Variants in RBFOX1 observed in about 807,000 individuals in gnomAD.
RBFOX1 encodes RNA binding fox-1 homolog 1.
RBFOX1 carries 8 observed loss-of-function variants against 57.7 expected under a neutral mutation model. The ratio of observed to expected loss-of-function variants is 0.14; its 90% CI spans 0.08 to 0.25. RBFOX1 has a LOEUF of 0.25. Ranked by LOEUF, RBFOX1 falls within the 10% of genes least tolerant of loss-of-function variation. RBFOX1 has a pLI of 1.00. For synonymous variants in RBFOX1, 326 were observed against 222.4 expected (o/e 1.47, Z -4.15); for missense variants, 611 against 548.5 (o/e 1.11, Z -1.14).
Position 6,257,252 on chromosome 16 carries a change from G to A in RBFOX1, c.-126-59743G>A, listed in dbSNP as rs79829101. Among the ~76,000 whole-genome samples, 412 of 151,980 alleles carry A rather than the reference G, an allele frequency of 2.7e-3. 2 individuals carry two copies. The highest frequency in any genetic ancestry group is 9.0e-3 in the African/African-American group (374 of 41,458). On this transcript the variant is annotated intron_variant, in intron 1 of 15. Coordinates refer to ENST00000550418, the MANE Select transcript of RBFOX1 (RefSeq NM_018723.4). Reference sequence around the variant, plus strand: ...CCTGCATGTGCTAGCTATTTATCCCGATGCTCTCCCTCCCCATGATGTATT... The same window carrying A: ...CCTGCATGTGCTAGCTATTTATCCCAATGCTCTCCCTCCCCATGATGTATT...
At chr16:7,121,016 G>T (rs1035573841) in intron 4 of RBFOX1, among the ~76,000 whole-genome samples, 2 of 151,806 alleles carry the variant, frequency 1.3e-5, no homozygotes, top group Non-Finnish European at 2.9e-5. Flanking sequence ...ACTAACACAT[G>T]ACCCTGTAAA....
rs534048340 is a variant in RBFOX1, at chr16:7,347,867, C to T, written c.28-170280C>T. Among the ~76,000 whole-genome samples the T allele has an allele frequency of 3.1e-3, 466 of 152,236 alleles. 1 individual carries two copies. Among genetic ancestry groups the T allele is most frequent in the African/African-American group, 0.01 (435 of 41,544 alleles). On this transcript the variant is annotated intron_variant, in intron 4 of 15. Coordinates refer to ENST00000550418, the MANE Select transcript of RBFOX1 (RefSeq NM_018723.4). ...GCTGGTTGTGAGCTGTTAGCCATTC[C>T]GAGACAGGCGTCTTGCAGGGTGTAT...
chr16:6,298,785 A>G (rs921020537), intron 1 of RBFOX1, among the ~76,000 whole-genome samples: 31 of 152,230 alleles, frequency 2.0e-4, no homozygotes, highest in African/African-American at 7.2e-4. Context: ...GTGAGTTTAC[A>G]TATTTGTTGG....
chr16:5,655,426 T>C (rs1263931704), intron 3 of RBFOX1, among the ~76,000 whole-genome samples: 1 of 152,198 alleles, frequency 6.6e-6, no homozygotes, highest in Non-Finnish European at 1.5e-5. Flanking sequence ...CAATTGAGGC[T>C]TTTCATGAGC....
intron 1 of RBFOX1, among the ~76,000 whole-genome samples, chr16:5,378,575 G>T (rs2066049919): frequency 6.6e-6 from 1 of 151,556 alleles, no homozygotes; most frequent in Non-Finnish European, 1.5e-5. Flanking sequence ...AGTTATACCT[G>T]GGAATGCAGG....
chr16:6,281,584 G>A (rs530859984), intron 1 of RBFOX1, among the ~76,000 whole-genome samples: 2 of 152,146 alleles, frequency 1.3e-5, no homozygotes, highest in African/African-American at 4.8e-5. Context: ...GGTGAGGTGT[G>A]GGGACCTTTG....
chr16:5,907,758 ATCATCATTT>A (rs949682093), intron 4 of RBFOX1, among the ~76,000 whole-genome samples: 4 of 149,972 alleles, frequency 2.7e-5, no homozygotes, highest in African/African-American at 1.0e-4. Flanking sequence ...CATCATCATC[ATCATCATTT>A]GAGATGGCAT....
chr16:6,008,656 G>A (rs540507463), intron 4 of RBFOX1, among the ~76,000 whole-genome samples: 1 of 152,234 alleles, frequency 6.6e-6, no homozygotes, highest in African/African-American at 2.4e-5. Context: ...CAGAGGGAAG[G>A]GTTAACTGTT....
intron 1 of RBFOX1, among the ~76,000 whole-genome samples, chr16:6,289,842 C>T (rs1480205904): frequency 1.3e-5 from 2 of 152,054 alleles, no homozygotes; most frequent in Non-Finnish European, 2.9e-5. Flanking sequence ...ATGAATAATA[C>T]AAAGAATCAT....
intron 3 of RBFOX1, among the ~76,000 whole-genome samples, chr16:5,862,846 A>G (rs1360791220): frequency 1.3e-5 from 2 of 152,188 alleles, no homozygotes; most frequent in Non-Finnish European, 2.9e-5. Flanking sequence ...GGCACACACC[A>G]CATACTGGTT....
intron 3 of RBFOX1, among the ~76,000 whole-genome samples, chr16:7,014,376 CT>C (rs149146067): frequency 0.024 from 3,627 of 151,170 alleles, 130 homozygotes; most frequent in African/African-American, 0.08. Context: ...CCACGCCTGG[CT>C]TTTTTTTATT....
At chr16:6,687,072 T>C (rs1375448178) in intron 3 of RBFOX1, among the ~76,000 whole-genome samples, 1 of 152,236 alleles carries the variant, frequency 6.6e-6, no homozygotes, top group East Asian at 1.9e-4. Context: ...AGCAGGTATC[T>C]AGTTCCTGAA....
intron 3 of RBFOX1, among the ~76,000 whole-genome samples, chr16:6,687,437 T>C (rs961487398): frequency 2.0e-5 from 3 of 152,220 alleles, no homozygotes; most frequent in Non-Finnish European, 4.4e-5. Flanking sequence ...CAAAGGCTAC[T>C]GAAATTAAAA....
At chr16:5,308,981 G>T (rs181328684) in intron 1 of RBFOX1, among the ~76,000 whole-genome samples, 2 of 152,084 alleles carry the variant, frequency 1.3e-5, no homozygotes, top group East Asian at 3.9e-4. Flanking sequence ...TTCTTGAAGG[G>T]GATCAGCTTT....
chr16:7,698,854 C>T (rs1012441688), intron 14 of RBFOX1, among the ~76,000 whole-genome samples: 2 of 152,136 alleles, frequency 1.3e-5, no homozygotes, highest in African/African-American at 4.8e-5. Flanking sequence ...AGGCTTGCTG[C>T]ATGCAATAAC....
intron 4 of RBFOX1, among the ~76,000 whole-genome samples, chr16:7,376,425 C>CTG (rs1473673461): frequency 2.6e-5 from 4 of 152,142 alleles, no homozygotes; most frequent in African/African-American, 9.7e-5. Context: ...CAGATGAGCA[C>CTG]TGGAGATAAG....
Position 7,567,651 on chromosome 16 carries a change from C to CTATATATA in RBFOX1, c.271-12120_271-12113dup, listed in dbSNP as rs200824101. Among the ~76,000 whole-genome samples the CTATATATA allele has an allele frequency of 3.4e-5, 2 of 59,020 alleles. 1 individual carries two copies. The highest frequency in any genetic ancestry group is 1.6e-3 in the East Asian group (2 of 1,230). The allele number at this position is 59,020 out of a possible 152,430, so 38.7% of individuals were successfully genotyped here. On this transcript the variant is annotated intron_variant, in intron 5 of 15. Transcript: ENST00000550418. ...TATATATATATCCCTATATATGGCCCTATATATATATATCCCTATATATGG... is the reference window on the plus strand; with the variant it reads ...TATATATATATCCCTATATATGGCCCTATATATATATATATATATATCCCTATATATGG...
chr16:5,851,699 T>C (rs1395936743), intron 3 of RBFOX1, among the ~76,000 whole-genome samples: 1 of 152,236 alleles, frequency 6.6e-6, no homozygotes, highest in Non-Finnish European at 1.5e-5. Context: ...TCCTTCCTGC[T>C]GTCCTTTTCA....
intron 4 of RBFOX1, among the ~76,000 whole-genome samples, chr16:7,444,567 G>T (rs543855914): frequency 6.6e-6 from 1 of 151,950 alleles, no homozygotes; most frequent in Admixed American, 6.6e-5. Context: ...GGGTTTTGCT[G>T]TGTCTCCCAA....
Sources: allele counts gnomAD v4.1 joint callset (sites outside exome capture counted in the v4.1 genomes callset), GRCh38; gene constraint gnomAD v4.1.1; transcripts MANE v1.5; gene names NCBI Gene and HGNC (gene_info 2026-07-23, HGNC 2026-07-21).